TRIM37: variants seen among roughly 807,000 people sequenced by gnomAD.
TRIM37 encodes E3 ubiquitin-protein ligase TRIM37.
TRIM37 carries 80 observed loss-of-function variants against 129.8 expected under a neutral mutation model. The observed-to-expected ratio is 0.62, with a 90% CI of 0.51 to 0.74. The LOEUF (loss-of-function observed/expected upper bound fraction) is 0.74. Ranked by LOEUF, TRIM37 falls within the 30% of genes least tolerant of loss-of-function variation. The pLI is 0.00. For missense variants in TRIM37, 1,054 were observed against 1,176.5 expected (o/e 0.90, Z 1.52); for synonymous variants, 389 against 387.1 (o/e 1.00, Z -0.06).
chr17:59,056,454 G>A (rs1599222272), intron 13 of TRIM37, among the ~76,000 whole-genome samples: 1 of 152,084 alleles, frequency 6.6e-6, no homozygotes, highest in Non-Finnish European at 1.5e-5. Flanking sequence ...AAGGGGCCGG[G>A]CACGGTGGCT....
downstream of TRIM37, among the ~76,000 whole-genome samples, chr17:58,996,611 T>C (rs1206812831): frequency 6.6e-6 from 1 of 151,292 alleles, no homozygotes; most frequent in Non-Finnish European, 1.5e-5. Flanking sequence ...TGAAACCCCA[T>C]CTCCACAAAA....
chr17:59,070,138 A>G (rs910017926), intron 9 of TRIM37, among the ~76,000 whole-genome samples: 4 of 152,194 alleles, frequency 2.6e-5, no homozygotes, highest in Non-Finnish European at 4.4e-5. Context: ...AGTGATTCCA[A>G]CATCTAGTCA....
Position 58,998,327 on chromosome 17 carries a change from G to C in TRIM37, c.*1050C>G. 1.0e-6 allele frequency: 1 copy of C among 985,292 alleles called. No homozygotes were observed. The highest frequency in any genetic ancestry group is 1.2e-6 in the Non-Finnish European group (1 of 829,828). 61.0% of individuals were successfully genotyped at this position (985,292 alleles called of 1,614,324 possible). A position where few individuals can be genotyped will look rare whatever the true frequency, so the allele number is the denominator to read the frequency against. On this transcript the variant is annotated 3_prime_UTR_variant, in exon 24 of 24. Coordinates refer to ENST00000262294, the MANE Select transcript of TRIM37 (RefSeq NM_015294.6). ...AACAATATTCACTAAGTAAAATACA[G>C]CAGATGAGATGTCTCTCACATGTAT...
At chr17:59,081,319 T>G in intron 5 of TRIM37, 100 bp from the exon 6 acceptor site, 1 of 1,496,382 alleles carries the variant, frequency 6.7e-7, no homozygotes, top group Non-Finnish European at 9.1e-7. Context: ...GGTAAATCTC[T>G]CAAATGAACT....
chr17:58,982,625 A>C, downstream of TRIM37: 1 of 409,142 alleles, frequency 2.4e-6, no homozygotes, highest in Non-Finnish European at 4.4e-6. Flanking sequence ...CAAATAGACA[A>C]AAACAGCTTC....
chr17:59,035,122 C>T (rs2038316419), intron 17 of TRIM37, among the ~76,000 whole-genome samples: 1 of 151,968 alleles, frequency 6.6e-6, no homozygotes, highest in Non-Finnish European at 1.5e-5. Flanking sequence ...TACAGTGGCA[C>T]AATCTTGGCT....
chr17:59,032,531 CA>C (rs35442859), intron 17 of TRIM37, among the ~76,000 whole-genome samples: 19,740 of 84,408 alleles, frequency 0.23, 730 homozygotes, highest in African/African-American at 0.3. Context: ...GACTCCGTCT[CA>C]AAAAAAAAAA....
At chr17:58,992,220 A>G (rs928275258) in intron 24 of TRIM37, among the ~76,000 whole-genome samples, 1 of 148,470 alleles carries the variant, frequency 6.7e-6, no homozygotes, top group Admixed American at 6.8e-5. Flanking sequence ...CCTTGACTTC[A>G]GGACAACTTA....
At chr17:58,975,096 C>G in the TRIM37 span, among the ~76,000 whole-genome samples, 2 of 152,278 alleles carry the variant, frequency 1.3e-5, no homozygotes, top group African/African-American at 4.8e-5. Context: ...AAATGCTACC[C>G]TTGACTGAAA....
At chr17:59,101,668 AAAAAAAAAAATAT>A (rs1290782649) in intron 2 of TRIM37, among the ~76,000 whole-genome samples, 27 of 119,100 alleles carry the variant, frequency 2.3e-4, no homozygotes, top group South Asian at 4.8e-4. Flanking sequence ...AAAAAAAAAA[AAAAAAAAAAATAT>A]ATATATATAT....
chr17:59,003,589 G>A (rs549108847), intron 22 of TRIM37, among the ~76,000 whole-genome samples: 5 of 146,444 alleles, frequency 3.4e-5, no homozygotes, highest in South Asian at 2.1e-4. Context: ...TACTGATGAA[G>A]ACTGAATTTG....
chr17:58,977,431 A>G, the TRIM37 span, among the ~76,000 whole-genome samples: 2 of 148,270 alleles, frequency 1.3e-5, no homozygotes, highest in African/African-American at 5.0e-5. Flanking sequence ...CCACAGTGAG[A>G]CTCTGTCTCA....
At chr17:59,066,016 C>T (rs2041892940) in intron 9 of TRIM37, among the ~76,000 whole-genome samples, 1 of 152,208 alleles carries the variant, frequency 6.6e-6, no homozygotes, top group African/African-American at 2.4e-5. Context: ...AGAAGACTCA[C>T]ATTCCTCATC....
intron 7 of TRIM37, among the ~76,000 whole-genome samples, chr17:59,078,660 C>A (rs1018172427): frequency 2.2e-4 from 33 of 152,100 alleles, no homozygotes; most frequent in Admixed American, 2.0e-3. Context: ...AAACTAAGAT[C>A]ACCTATATGT....
In TRIM37 at chr17:59,106,548, A is replaced by C; in HGVS notation, c.-87T>G. ...CGCCGGCCCGAGGTCGCCAGATCAAATCGCCGATAAAAGCCCGGCGCCCAC... is the reference window on the plus strand; with the variant it reads ...CGCCGGCCCGAGGTCGCCAGATCAACTCGCCGATAAAAGCCCGGCGCCCAC... On this transcript the variant is annotated 5_prime_UTR_variant, in exon 1 of 24. Transcript: ENST00000262294. 1 of 1,543,326 alleles carries C rather than the reference A, an allele frequency of 6.5e-7. No homozygotes were observed. Among genetic ancestry groups the C allele is most frequent in the Non-Finnish European group, 8.9e-7 (1 of 1,127,022 alleles).
At chr17:58,996,572 G>C (rs1421825776), downstream of TRIM37, among the ~76,000 whole-genome samples, 6 of 151,214 alleles carry the variant, frequency 4.0e-5, no homozygotes, top group Non-Finnish European at 7.4e-5. Flanking sequence ...GGATCACTTT[G>C]AGCTCAGGAG....
chr17:58,992,261 AAATATAAATATATAT>A (rs2032493123), intron 24 of TRIM37, among the ~76,000 whole-genome samples: 3 of 143,762 alleles, frequency 2.1e-5, no homozygotes, highest in Non-Finnish European at 4.5e-5. Context: ...ATATATATAT[AAATATAAATATATAT>A]ATATTTATAT....
intron 5 of TRIM37, 72 bp from the exon 6 acceptor site, chr17:59,081,291 T>G: frequency 6.3e-7 from 1 of 1,576,570 alleles, no homozygotes; most frequent in East Asian, 2.3e-5. Context: ...TGTAACACTC[T>G]ATGGACACTA....
At chr17:59,102,275 G>A (rs2045584944) in intron 2 of TRIM37, among the ~76,000 whole-genome samples, 1 of 152,106 alleles carries the variant, frequency 6.6e-6, no homozygotes, top group Admixed American at 6.5e-5. Context: ...CATTTAAGGG[G>A]CAGGAGGAAG....
Sources: gnomAD v4.1 joint callset for allele counts (sites outside exome capture counted in the v4.1 genomes callset) on GRCh38, gnomAD v4.1.1 for gene constraint, MANE v1.5 for transcripts, NCBI Gene and HGNC (gene_info 2026-07-23, HGNC 2026-07-21) for gene names.